The following TBXAS1 variants were observed in gnomAD, a reference collection of about 807,000 sequenced individuals.
TBXAS1 encodes the protein thromboxane-A synthase.
A neutral mutation model predicts 60.7 loss-of-function variants in TBXAS1; 48 were observed. The ratio of observed to expected loss-of-function variants is 0.79; its 90% CI spans 0.63 to 1.01. TBXAS1 has a LOEUF of 1.01. Among genes scored for constraint, TBXAS1 ranks in the 50% least tolerant of loss-of-function variants. TBXAS1 has a pLI of 0.00. For synonymous variants in TBXAS1, 287 were observed against 269.7 expected, an observed-to-expected ratio of 1.06 and a Z score of -0.63; for missense variants, 685 against 686.3, an observed-to-expected ratio of 1.00 and a Z score of 0.02.
At chr7:139,829,083 C>G (rs1034153023), upstream of TBXAS1, 12 of 451,196 alleles carry the variant, frequency 2.7e-5, no homozygotes, top group Middle Eastern at 6.6e-4. Flanking sequence ...TGTTTCTCAG[C>G]AAACATGGGG....
At chr7:139,786,531 G>A (rs1447135023) in intron 3 of TBXAS1, among the ~76,000 whole-genome samples, 1 of 151,964 alleles carries the variant, frequency 6.6e-6, no homozygotes, top group Non-Finnish European at 1.5e-5. Context: ...TTAAGCCTAG[G>A]GTTCTTTTTT....
intron 3 of TBXAS1, among the ~76,000 whole-genome samples, chr7:139,898,563 G>T (rs1045161834): frequency 6.6e-6 from 1 of 152,014 alleles, no homozygotes; most frequent in Non-Finnish European, 1.5e-5. Context: ...CTGACCTCAG[G>T]TGATCCGCAA....
rs776126423 is a variant in TBXAS1, at chr7:139,951,950, AAAAGAAAGAAAG to A, written c.451-1366_451-1355del. On this transcript the variant is annotated intron_variant, in intron 5 of 12. Transcript: ENST00000448866. Reference sequence around the variant, plus strand: ...GAAAGAGAGAAAGAAGGAAAGAAAGAAAAGAAAGAAAGAAAGAAAGAAAGAAAGAAAGAAAGA... The same window carrying A: ...GAAAGAGAGAAAGAAGGAAAGAAAGAAAAGAAAGAAAGAAAGAAAGAAAGA... 6.5e-3 allele frequency among the ~76,000 whole-genome samples: 271 copies of A among 41,998 alleles called. 38 individuals carry two copies. The highest frequency in any genetic ancestry group is 0.021 in the African/African-American group (236 of 11,036). 27.6% of individuals were successfully genotyped at this position (41,998 alleles called of 152,430 possible).
At chr7:139,963,762 C>T (rs1344679042) in intron 9 of TBXAS1, among the ~76,000 whole-genome samples, 2 of 152,138 alleles carry the variant, frequency 1.3e-5, no homozygotes, top group African/African-American at 4.8e-5. Context: ...TAAAAACAAA[C>T]AAAAAGACTC....
At chr7:139,880,742 T>C (rs1175053065) in intron 3 of TBXAS1, among the ~76,000 whole-genome samples, 1 of 152,226 alleles carries the variant, frequency 6.6e-6, no homozygotes, top group East Asian at 1.9e-4. Flanking sequence ...TAAACATCTC[T>C]TACTTTTACA....
chr7:139,859,206 T>G (rs1288173874), intron 1 of TBXAS1, among the ~76,000 whole-genome samples: 1 of 145,882 alleles, frequency 6.9e-6, no homozygotes, highest in Non-Finnish European at 1.5e-5. Flanking sequence ...TTAGTTTTTT[T>G]TTTTTTTTTT....
intron 4 of TBXAS1, among the ~76,000 whole-genome samples, chr7:139,932,530 C>T (rs1244799648): frequency 6.6e-6 from 1 of 151,254 alleles, no homozygotes; most frequent in Non-Finnish European, 1.5e-5. Context: ...TTCCACTTCT[C>T]AGGGTCACAA....
At chr7:140,016,120 A>G (rs1305934718) in intron 11 of TBXAS1, among the ~76,000 whole-genome samples, 1 of 152,112 alleles carries the variant, frequency 6.6e-6, no homozygotes, top group African/African-American at 2.4e-5. Context: ...CGAGGTCAGG[A>G]GATCGAGACC....
intron 9 of TBXAS1, among the ~76,000 whole-genome samples, chr7:139,993,328 C>T (rs899281805): frequency 9.2e-5 from 14 of 152,132 alleles, no homozygotes; most frequent in African/African-American, 3.1e-4. Context: ...CTGGGGAGGC[C>T]GGACTCACAC....
At chr7:139,908,360 AT>A (rs1369571851) in intron 3 of TBXAS1, among the ~76,000 whole-genome samples, 1 of 152,006 alleles carries the variant, frequency 6.6e-6, no homozygotes, top group African/African-American at 2.4e-5. Context: ...TAGTCATTAC[AT>A]TATATTCACC....
chr7:139,903,559 C>T (rs1804743747), intron 3 of TBXAS1, among the ~76,000 whole-genome samples: 1 of 152,048 alleles, frequency 6.6e-6, no homozygotes, highest in Non-Finnish European at 1.5e-5. Context: ...ACAGTCCCAC[C>T]AGCAGGGTAG....
At chr7:139,797,809 C>T (rs912645927) in intron 4 of TBXAS1, among the ~76,000 whole-genome samples, 7 of 152,208 alleles carry the variant, frequency 4.6e-5, no homozygotes. Flanking sequence ...CTCAAAAAAG[C>T]CACACTGCCC....
At chr7:140,007,883 A>G (rs2116394431) in intron 10 of TBXAS1, among the ~76,000 whole-genome samples, 1 of 152,318 alleles carries the variant, frequency 6.6e-6, no homozygotes, top group South Asian at 2.1e-4. Flanking sequence ...AGCCGGTCAC[A>G]CCAACCTGTG....
intron 9 of TBXAS1, among the ~76,000 whole-genome samples, chr7:139,971,941 C>G (rs1357299119): frequency 6.6e-6 from 1 of 152,188 alleles, no homozygotes; most frequent in East Asian, 1.9e-4. Context: ...CACCTCCTGA[C>G]CCACTGCCCC....
At chr7:139,968,643 CAT>C (rs1810969102) in intron 9 of TBXAS1, among the ~76,000 whole-genome samples, 1 of 152,218 alleles carries the variant, frequency 6.6e-6, no homozygotes, top group Non-Finnish European at 1.5e-5. Flanking sequence ...TTCTGGGCCA[CAT>C]GTGTTTTCTT....
At chr7:139,832,422 A>T (rs7457318) in intron 1 of TBXAS1, among the ~76,000 whole-genome samples, 10 of 149,588 alleles carry the variant, frequency 6.7e-5, no homozygotes, top group East Asian at 2.0e-4. Flanking sequence ...GAAAAAAAAT[A>T]AAAAAATATG....
chr7:139,942,390 C>T (rs1053994915), intron 5 of TBXAS1, among the ~76,000 whole-genome samples: 1 of 152,206 alleles, frequency 6.6e-6, no homozygotes, highest in African/African-American at 2.4e-5. Context: ...TTGTTAACTT[C>T]CTGGTTGGCT....
At chr7:139,983,512 C>G (rs1812110249) in intron 9 of TBXAS1, among the ~76,000 whole-genome samples, 1 of 152,118 alleles carries the variant, frequency 6.6e-6, no homozygotes, top group Non-Finnish European at 1.5e-5. Flanking sequence ...TGTCTCTTAC[C>G]CTCTGTCATC....
At chr7:139,853,641 C>T (rs1427520074) in intron 1 of TBXAS1, among the ~76,000 whole-genome samples, 1 of 152,124 alleles carries the variant, frequency 6.6e-6, no homozygotes, top group East Asian at 1.9e-4. Context: ...AGGGGCAGCC[C>T]CAGCTGACCC....
Sources: allele counts gnomAD v4.1 joint callset (sites outside exome capture counted in the v4.1 genomes callset), GRCh38; gene constraint gnomAD v4.1.1; transcripts MANE v1.5; gene names NCBI Gene and HGNC (gene_info 2026-07-23, HGNC 2026-07-21).